CCDC81: variants seen among roughly 807,000 people sequenced by gnomAD.
CCDC81 encodes the protein coiled-coil domain containing 81, also known as coiled-coil domain-containing protein 81.
In CCDC81, 79 loss-of-function variants were observed where a neutral mutation model predicts 83.7. The ratio of observed to expected loss-of-function variants is 0.94; its 90% CI spans 0.79 to 1.14. CCDC81 has a LOEUF of 1.14. Ranked by LOEUF, CCDC81 falls within the 50% of genes most tolerant of loss-of-function variation. CCDC81 has a pLI of 0.00. For synonymous variants in CCDC81, 252 were observed against 278.1 expected, an observed-to-expected ratio of 0.91 and a Z score of 0.93; for missense variants, 791 against 778.1, an observed-to-expected ratio of 1.02 and a Z score of -0.20.
Position 86,387,534 on chromosome 11 carries a change from T to C in CCDC81, c.160T>C (p.Phe54Leu). Residue 54 changes from phenylalanine (F) to leucine (L), a missense_variant, in exon 3 of 15, where the codon TTT becomes CTT. Phe to Leu is a conservative substitution (Grantham distance 22). Transcript: ENST00000445632. Reference sequence around the variant, plus strand: ...CTTTCAGGGGGTTCAGATTCCAGCATTTGGAACTTTCACTTTCATAAGACA... The same window carrying C: ...CTTTCAGGGGGTTCAGATTCCAGCACTTGGAACTTTCACTTTCATAAGACA... Reference protein sequence around the residue: ...TLHKGVQIPAFGTFTFIRQKL... With the variant: ...TLHKGVQIPALGTFTFIRQKL... 3 of 1,614,086 alleles carry C rather than the reference T, an allele frequency of 1.9e-6. No homozygotes were observed. The highest frequency in any genetic ancestry group is 2.5e-6 in the Non-Finnish European group (3 of 1,179,998).
At chr11:86,377,824 T>TA (rs1948117717) in intron 1 of CCDC81, among the ~76,000 whole-genome samples, 1 of 152,152 alleles carries the variant, frequency 6.6e-6, no homozygotes. Context: ...GTGTTTTATC[T>TA]AAAAAGTCAT....
intron 10 of CCDC81, among the ~76,000 whole-genome samples, chr11:86,412,003 G>T (rs1358955650): frequency 6.6e-6 from 1 of 152,164 alleles, no homozygotes; most frequent in East Asian, 1.9e-4. Flanking sequence ...CCCATACATA[G>T]TTTCAATTCT....
chr11:86,403,129 C>T (rs539888692), intron 7 of CCDC81, among the ~76,000 whole-genome samples: 3 of 148,252 alleles, frequency 2.0e-5, no homozygotes, highest in Admixed American at 1.4e-4. Context: ...GCTGGGATTA[C>T]AGGCATGAGC....
At chr11:86,376,808 T>A (rs896734015) in intron 1 of CCDC81, among the ~76,000 whole-genome samples, 8 of 152,226 alleles carry the variant, frequency 5.3e-5, no homozygotes, top group Non-Finnish European at 8.8e-5. Flanking sequence ...CACATCAAAA[T>A]CACCCAAGTT....
rs1670976928 is a variant in CCDC81 at position 86,420,071 on chromosome 11, C to T, written c.1817+18C>T. On this transcript the variant is annotated intron_variant, in intron 14 of 14. Coordinates refer to ENST00000445632, the MANE Select transcript of CCDC81 (RefSeq NM_001156474.2). ...TTTGAACGGTAATGCCTGATTGGAA[C>T]CCCAAAATTCTCCTGCTCCTTGTGG... is the stretch of plus-strand genomic sequence containing the variant. The T allele has an allele frequency of 6.2e-7, 1 of 1,605,682 alleles. No individual in the cohort carries two copies. Among genetic ancestry groups the T allele is most frequent in the Non-Finnish European group, 8.5e-7 (1 of 1,177,352 alleles).
intron 7 of CCDC81, among the ~76,000 whole-genome samples, chr11:86,403,595 A>G (rs549095801): frequency 6.6e-6 from 1 of 152,332 alleles, no homozygotes; most frequent in South Asian, 2.1e-4. Context: ...AGATCAAGGC[A>G]GTAGTCTAGG....
Position 86,401,524 on chromosome 11 carries a change from T to C in CCDC81, c.881+723T>C, listed in dbSNP as rs571125787. ...ATGTTAAAAACTCTAGGAATGCTTG[T>C]TTTGGATAATATCACTGTTATGAAA... is the stretch of plus-strand genomic sequence containing the variant. On this transcript the variant is annotated intron_variant, in intron 7 of 14. Transcript: ENST00000445632. 1.7e-3 allele frequency among the ~76,000 whole-genome samples: 266 copies of C among 152,314 alleles called. 2 individuals are homozygous for C. The highest frequency in any genetic ancestry group is 5.9e-3 in the African/African-American group (244 of 41,574).
At position 86,422,756 on chromosome 11, in the gene CCDC81, A is replaced by G; in HGVS notation, c.*41A>G. 6.3e-7 allele frequency: 1 copy of G among 1,590,870 alleles called. No individual in the cohort carries two copies. The highest frequency in any genetic ancestry group is 8.6e-7 in the Non-Finnish European group (1 of 1,163,874). On this transcript the variant is annotated 3_prime_UTR_variant, in exon 15 of 15. Transcript: ENST00000445632. Reference sequence around the variant, plus strand: ...TCTTCGTTTCCCGGGGAAAGTTTTTATCTTTTACATGTTTGGGGGTGATTG... The same window carrying G: ...TCTTCGTTTCCCGGGGAAAGTTTTTGTCTTTTACATGTTTGGGGGTGATTG...
Position 86,422,651 on chromosome 11 carries a change from A to C in CCDC81, c.1895A>C (p.Asn632Thr). The C allele has an allele frequency of 6.2e-7, 1 of 1,614,072 alleles. No homozygotes were observed. Among genetic ancestry groups the C allele is most frequent in the Non-Finnish European group, 8.5e-7 (1 of 1,179,964 alleles). Residue 632 changes from asparagine (N) to threonine (T), a missense_variant, in exon 15 of 15, where the codon AAC (asparagine) becomes ACC (threonine). Asn to Thr is a moderately conservative substitution (Grantham distance 65, BLOSUM62 0). Transcript: ENST00000445632. ...AAGCAATGCCAGAGGCGCACCTCCA[A>C]CGTGGGCGAGAGCAACCTGTGGCCC... is the stretch of plus-strand genomic sequence containing the variant. Reference protein sequence around the residue: ...RCKQCQRRTSNVGESNLWPLN... With the variant: ...RCKQCQRRTSTVGESNLWPLN...
At chr11:86,396,775 C>T (rs1433536004) in intron 5 of CCDC81, among the ~76,000 whole-genome samples, 1 of 152,134 alleles carries the variant, frequency 6.6e-6, no homozygotes, top group Admixed American at 6.5e-5. Flanking sequence ...ACCATATTGC[C>T]TTACTCACTA....
At chr11:86,399,465 G>A (rs780344807) in intron 6 of CCDC81, among the ~76,000 whole-genome samples, 9 of 152,010 alleles carry the variant, frequency 5.9e-5, no homozygotes, top group East Asian at 1.9e-4. Context: ...ACAGGTGTGC[G>A]CCACCATGCC....
intron 13 of CCDC81, among the ~76,000 whole-genome samples, chr11:86,417,882 G>A (rs1175666779): frequency 6.6e-6 from 1 of 151,854 alleles, no homozygotes; most frequent in Non-Finnish European, 1.5e-5. Flanking sequence ...TGAGTAGCTG[G>A]GACTACAGGT....
chr11:86,385,844 A>T (rs1032550527), intron 1 of CCDC81, among the ~76,000 whole-genome samples: 1 of 152,180 alleles, frequency 6.6e-6, no homozygotes, highest in Non-Finnish European at 1.5e-5. Flanking sequence ...TTTAAATCAC[A>T]TCTTCTGAAC....
chr11:86,419,577 A>C (rs1593946115), intron 13 of CCDC81: 1 of 161,876 alleles, frequency 6.2e-6, no homozygotes. Flanking sequence ...GAGAGGCTGG[A>C]CTAAAAGGAA....
intron 14 of CCDC81, among the ~76,000 whole-genome samples, chr11:86,421,680 G>A (rs1948793104): frequency 6.6e-6 from 1 of 152,212 alleles, no homozygotes. Context: ...ACTTTAGGAG[G>A]CTGAGGCAGA....
intron 7 of CCDC81, among the ~76,000 whole-genome samples, chr11:86,405,864 CCAATT>C (rs1464893878): frequency 1.7e-4 from 26 of 151,582 alleles, no homozygotes; most frequent in Admixed American, 1.4e-3. Context: ...CCACGCTCAA[CCAATT>C]CTCCTGCTTC....
At chr11:86,385,384 C>CA (rs557547510) in intron 1 of CCDC81, among the ~76,000 whole-genome samples, 100 of 139,068 alleles carry the variant, frequency 7.2e-4, no homozygotes, top group African/African-American at 1.4e-3. Context: ...TACCCTGTCT[C>CA]AAAAAAAAAA....
rs148008941 is a variant in CCDC81, at chr11:86,412,495, G to A, written c.1327G>A (p.Glu443Lys). 9,479 of 1,613,906 alleles carry A rather than the reference G, an allele frequency of 5.9e-3. 35 individuals are homozygous for A. Among genetic ancestry groups the A allele is most frequent in the Non-Finnish European group, 6.6e-3 (7,842 of 1,179,870 alleles). ...LKQMDNRQENEIKQRQYRELM... is the reference protein window; with the variant it reads ...LKQMDNRQENKIKQRQYRELM... ...ACAAATGGATAACAGACAGGAAAACGAAATAAAGCAAAGACAATACAGAGA... is the reference window on the plus strand; with the variant it reads ...ACAAATGGATAACAGACAGGAAAACAAAATAAAGCAAAGACAATACAGAGA... The change falls in exon 11 of 15, where the codon GAA becomes AAA. Residue 443 changes from glutamate (E) to lysine (K), a missense_variant. Coordinates refer to ENST00000445632, the MANE Select transcript of CCDC81 (RefSeq NM_001156474.2).
intron 11 of CCDC81, chr11:86,414,474 T>G: frequency 5.1e-6 from 1 of 196,878 alleles, no homozygotes; most frequent in Non-Finnish European, 1.0e-5. Flanking sequence ...CCCCGGCTAA[T>G]TCTTGTATTT....
Sources: gnomAD v4.1 joint callset for allele counts (sites outside exome capture counted in the v4.1 genomes callset) on GRCh38, gnomAD v4.1.1 for gene constraint, MANE v1.5 for transcripts, NCBI Gene and HGNC (gene_info 2026-07-23, HGNC 2026-07-21) for gene names.